KLF12: variants seen among roughly 807,000 people sequenced by gnomAD.
KLF12 encodes the protein Krueppel-like factor 12.
Under a neutral mutation model 37.8 loss-of-function variants are expected in KLF12, and 9 were observed. The observed-to-expected ratio is 0.24, with a 90% CI of 0.14 to 0.42. KLF12 has a LOEUF of 0.42. Among genes scored for constraint, KLF12 ranks in the 10% least tolerant of loss-of-function variants. KLF12 has a pLI of 1.00. For synonymous variants in KLF12, 208 were observed against 202.1 expected, an observed-to-expected ratio of 1.03 and a Z score of -0.25; for missense variants, 411 against 516.0, an observed-to-expected ratio of 0.80 and a Z score of 1.97.
the KLF12 span, chr13:74,231,400 T>C: frequency 1.3e-5 from 2 of 152,362 alleles, no homozygotes; most frequent in East Asian, 3.9e-4. Flanking sequence ...TCATTTGATT[T>C]GATAAAACAA....
At chr13:74,104,970 A>T (rs1267981276) in intron 1 of KLF12, among the ~76,000 whole-genome samples, 1 of 152,144 alleles carries the variant, frequency 6.6e-6, no homozygotes, top group Non-Finnish European at 1.5e-5. Context: ...AACTTCAAAA[A>T]TTATTTGTTG....
intron 3 of KLF12, among the ~76,000 whole-genome samples, chr13:73,869,754 GA>G (rs2138864161): frequency 6.6e-6 from 1 of 152,216 alleles, no homozygotes; most frequent in East Asian, 1.9e-4. Flanking sequence ...TGATAAATCA[GA>G]TGGTCTCTGA....
chr13:73,719,770 G>A (rs1876099181), intron 6 of KLF12, among the ~76,000 whole-genome samples: 1 of 151,926 alleles, frequency 6.6e-6, no homozygotes, highest in African/African-American at 2.4e-5. Flanking sequence ...CCTGGCTAAC[G>A]TTTTAATTTT....
intron 5 of KLF12, among the ~76,000 whole-genome samples, chr13:73,768,101 A>T (rs1334622462): frequency 6.6e-6 from 1 of 152,196 alleles, no homozygotes; most frequent in Non-Finnish European, 1.5e-5. Flanking sequence ...TTGTGTGACC[A>T]GCCTGCCTGA....
At chr13:73,738,108 TATATATATATATATATACACAC>T (rs1394958519) in intron 6 of KLF12, among the ~76,000 whole-genome samples, 28 of 58,662 alleles carry the variant, frequency 4.8e-4, no homozygotes, top group South Asian at 9.4e-4. Flanking sequence ...TATATATATA[TATATATATATATATATACACAC>T]ACACACATAT....
the KLF12 span, among the ~76,000 whole-genome samples, chr13:74,296,462 A>G: frequency 5.3e-5 from 8 of 152,162 alleles, no homozygotes; most frequent in Non-Finnish European, 1.2e-4. Context: ...TTTGTGGAGC[A>G]GGCAAGAGAA....
At chr13:73,983,622 A>G (rs534233277) in intron 2 of KLF12, among the ~76,000 whole-genome samples, 3 of 152,336 alleles carry the variant, frequency 2.0e-5, no homozygotes, top group Non-Finnish European at 2.9e-5. Context: ...TGGTGTCCCA[A>G]TTATTCACAT....
chr13:74,230,570 A>G, the KLF12 span, among the ~76,000 whole-genome samples: 1 of 152,142 alleles, frequency 6.6e-6, no homozygotes, highest in Non-Finnish European at 1.5e-5. Flanking sequence ...CTTCAGTTCC[A>G]CTATGTTTAC....
At chr13:74,230,356 C>T in the KLF12 span, among the ~76,000 whole-genome samples, 1 of 152,266 alleles carries the variant, frequency 6.6e-6, no homozygotes, top group Admixed American at 6.5e-5. Flanking sequence ...TACAAACTAC[C>T]CAGTCTTGGG....
chr13:73,693,497 C>T lies in KLF12; in HGVS notation c.*1993G>A, dbSNP rs1284990549. 6.6e-6 allele frequency: 1 copy of T among 152,208 alleles called. No homozygotes were observed. Among genetic ancestry groups the T allele is most frequent in the Non-Finnish European group, 1.5e-5 (1 of 68,038 alleles). The allele number at this position is 152,208 out of a possible 1,614,324, so 9.4% of individuals were successfully genotyped here. On this transcript the variant is annotated 3_prime_UTR_variant, in exon 8 of 8. Transcript: ENST00000377669. ...CCATAATTTGACCTGAAAATCATTA[C>T]ACTGTTGCTTAATGTTTTAAAAAAT...
At chr13:74,261,646 G>T in the KLF12 span, among the ~76,000 whole-genome samples, 5 of 152,148 alleles carry the variant, frequency 3.3e-5, no homozygotes, top group African/African-American at 1.2e-4. Flanking sequence ...AGATTTTAGT[G>T]TCTTTTGACA....
chr13:73,920,209 GCA>G (rs1382602194), intron 3 of KLF12, among the ~76,000 whole-genome samples: 1 of 152,078 alleles, frequency 6.6e-6, no homozygotes, highest in Admixed American at 6.5e-5. Context: ...ACATGAATAT[GCA>G]CAAATATTAC....
At chr13:74,063,157 C>T (rs868263605) in intron 1 of KLF12, among the ~76,000 whole-genome samples, 8 of 152,192 alleles carry the variant, frequency 5.3e-5, no homozygotes, top group African/African-American at 1.9e-4. Context: ...CTAGTTCTCA[C>T]AAACAGGCCA....
chr13:73,797,233 A>T (rs1279587720), intron 5 of KLF12, among the ~76,000 whole-genome samples: 1 of 152,146 alleles, frequency 6.6e-6, no homozygotes, highest in Non-Finnish European at 1.5e-5. Flanking sequence ...ATCCTTCCTG[A>T]TCAGTTCCAG....
chr13:74,279,088 G>C, the KLF12 span, among the ~76,000 whole-genome samples: 31 of 152,158 alleles, frequency 2.0e-4, no homozygotes, highest in African/African-American at 7.0e-4. Context: ...CCATGTACTA[G>C]TGGGTCATAT....
At chr13:74,070,656 T>C (rs1030538787) in intron 1 of KLF12, among the ~76,000 whole-genome samples, 7 of 152,130 alleles carry the variant, frequency 4.6e-5, no homozygotes, top group Non-Finnish European at 8.8e-5. Flanking sequence ...ATAAGAGTTC[T>C]TGACTTACAG....
At chr13:73,746,179 A>T (rs1484530221) in intron 6 of KLF12, among the ~76,000 whole-genome samples, 1 of 152,186 alleles carries the variant, frequency 6.6e-6, no homozygotes, top group Non-Finnish European at 1.5e-5. Flanking sequence ...TCTTCATGTG[A>T]TAAAACACAC....
At chr13:73,948,382 T>C (rs1890521744) in intron 2 of KLF12, among the ~76,000 whole-genome samples, 1 of 152,136 alleles carries the variant, frequency 6.6e-6, no homozygotes, top group Non-Finnish European at 1.5e-5. Flanking sequence ...CCACCACGCC[T>C]AATTTTTTCT....
In KLF12 at chr13:73,692,126, C is replaced by T. The variant is rs1873859873; in HGVS notation, c.*3364G>A. 1 of 152,370 alleles carries T rather than the reference C, an allele frequency of 6.6e-6. No homozygotes were observed. Among genetic ancestry groups the T allele is most frequent in the African/African-American group, 2.4e-5 (1 of 41,428 alleles). 9.4% of individuals were successfully genotyped at this position (152,370 alleles called of 1,614,324 possible). On this transcript the variant is annotated 3_prime_UTR_variant, in exon 8 of 8. Transcript: ENST00000377669. ...AAACGACGCCAGGCAGAAGTATAAT[C>T]TTTATGGTGAAGTCATTAGAAATCT...
Sources: gnomAD v4.1 joint callset for allele counts (sites outside exome capture counted in the v4.1 genomes callset) on GRCh38, gnomAD v4.1.1 for gene constraint, MANE v1.5 for transcripts, NCBI Gene and HGNC (gene_info 2026-07-23, HGNC 2026-07-21) for gene names.